FCRL5: variants seen among roughly 807,000 people sequenced by gnomAD.
FCRL5 encodes the protein Fc receptor like 5.
FCRL5 carries 79 observed loss-of-function variants against 92.1 expected under a neutral mutation model. The observed-to-expected ratio is 0.86, with a 90% confidence interval of 0.72 to 1.03. The LOEUF is 1.03. Among genes scored for constraint, FCRL5 ranks in the 50% least tolerant of loss-of-function variants. FCRL5 has a pLI of 0.00. For missense variants in FCRL5, 1,160 were observed against 1,181.1 expected, an observed-to-expected ratio of 0.98 and a Z score of 0.26; for synonymous variants, 466 against 469.3, an observed-to-expected ratio of 0.99 and a Z score of 0.09.
chr1:157,534,954 T>C, intron 7 of FCRL5, 62 bp from the exon 8 acceptor site: 1 of 1,474,144 alleles, frequency 6.8e-7, no homozygotes, highest in Non-Finnish European at 9.1e-7. Context: ...TTTCAACACT[T>C]GGCCAGTGCA....
intron 13 of FCRL5, among the ~76,000 whole-genome samples, chr1:157,519,292 G>C (rs1343377535): frequency 2.0e-5 from 3 of 152,136 alleles, no homozygotes; most frequent in African/African-American, 7.2e-5. Context: ...TTCTTCACAG[G>C]GACTACCTCC....
intron 10 of FCRL5, chr1:157,522,390 G>C (rs185397265): frequency 1.3e-5 from 2 of 152,298 alleles, no homozygotes; most frequent in East Asian, 3.9e-4. Flanking sequence ...GAGTTAGAGA[G>C]GACTGTGCTT....
In FCRL5 at chr1:157,543,076, G is replaced by C; in HGVS notation, c.906C>G (p.Thr302=). 6.2e-7 allele frequency: 1 copy of C among 1,614,214 alleles called. No individual in the cohort carries two copies. Among genetic ancestry groups the C allele is most frequent in the East Asian group, 2.2e-5 (1 of 44,888 alleles). Residue 302 remains threonine (T), a synonymous_variant, in exon 6 of 17, where the codon ACC becomes ACG. Coordinates refer to ENST00000361835, the MANE Select transcript of FCRL5 (RefSeq NM_031281.3). ...SPEKALNFEG[T]KVTLHCETQE... The stretch of plus-strand genomic sequence containing the variant: ...GGGTTTCACAGTGAAGTGTCACCTT[G>C]GTTCCCTCAAAATTCAGAGCCTTTT...
intron 8 of FCRL5, among the ~76,000 whole-genome samples, chr1:157,528,934 T>A (rs182164987): frequency 1.1e-3 from 168 of 152,206 alleles, no homozygotes; most frequent in African/African-American, 3.8e-3. Context: ...CCAAAGCAAA[T>A]GCAACAAAAA....
chr1:157,516,910 C>G (rs1249974489), intron 15 of FCRL5, among the ~76,000 whole-genome samples: 1 of 152,170 alleles, frequency 6.6e-6, no homozygotes, highest in East Asian at 1.9e-4. Context: ...GTAGTAACAG[C>G]GCATACCTCA....
intron 6 of FCRL5, among the ~76,000 whole-genome samples, chr1:157,541,626 A>AT (rs1651264741): frequency 6.6e-6 from 1 of 151,950 alleles, no homozygotes; most frequent in African/African-American, 2.4e-5. Flanking sequence ...CTTCCAAGAA[A>AT]TTTTTTCTCA....
intron 3 of FCRL5, chr1:157,546,125 A>G (rs575637633): frequency 2.9e-4 from 81 of 277,906 alleles, no homozygotes; most frequent in South Asian, 2.2e-3. Context: ...CCTGCCACTT[A>G]TTATTCCAAG....
intron 13 of FCRL5, among the ~76,000 whole-genome samples, chr1:157,519,327 T>A (rs538710293): frequency 6.6e-6 from 1 of 152,284 alleles, no homozygotes; most frequent in African/African-American, 2.4e-5. Context: ...CCTCTCTGGG[T>A]GGCCAAGTTG....
intron 9 of FCRL5, 139 bp downstream of exon 9, chr1:157,527,478 A>G: frequency 2.6e-6 from 2 of 773,676 alleles, no homozygotes; most frequent in Non-Finnish European, 3.9e-6. Flanking sequence ...AAACTTAGAG[A>G]TGGAGGCTGT....
chr1:157,531,586 T>C (rs12144055), intron 8 of FCRL5, among the ~76,000 whole-genome samples: 13,292 of 152,170 alleles, frequency 0.087, 1,559 homozygotes, highest in African/African-American at 0.27. Context: ...CCCCAGCAGA[T>C]GAATAGATAA....
chr1:157,544,824 G>C lies in FCRL5; in HGVS notation c.559+7C>G. On this transcript the variant is annotated splice_region_variant and intron_variant, in intron 4 of 16. Coordinates refer to ENST00000361835, the MANE Select transcript of FCRL5 (RefSeq NM_031281.3). ...CAACTCACTTCACAAAATAATGAAG[G>C]CTTTACCTTGGACTTGGATTTTGAC... The C allele has an allele frequency of 1.2e-6, 2 of 1,613,978 alleles. No homozygotes were observed. Among genetic ancestry groups the C allele is most frequent in the African/African-American group, 1.3e-5 (1 of 75,030 alleles).
intron 2 of FCRL5, 162 bp from the exon 3 acceptor site, chr1:157,547,359 C>A: frequency 1.1e-6 from 1 of 917,372 alleles, no homozygotes; most frequent in Non-Finnish European, 1.8e-6. Context: ...CAGTGGCCCT[C>A]ACCTCACCCA....
At chr1:157,534,522 GA>G in intron 8 of FCRL5, 91 bp downstream of exon 8, 1 of 1,459,798 alleles carries the variant, frequency 6.9e-7, no homozygotes, top group Non-Finnish European at 9.6e-7. Context: ...TTGATTAGGG[GA>G]GGAAACTGGA....
intron 10 of FCRL5, among the ~76,000 whole-genome samples, chr1:157,523,523 C>A (rs749593891): frequency 3.9e-5 from 6 of 152,212 alleles, no homozygotes; most frequent in African/African-American, 9.7e-5. Context: ...TCTCAACACC[C>A]CTTAGCATAC....
At chr1:157,530,341 TA>T (rs1650641032) in intron 8 of FCRL5, among the ~76,000 whole-genome samples, 1 of 152,246 alleles carries the variant, frequency 6.6e-6, no homozygotes, top group African/African-American at 2.4e-5. Context: ...TACAACTTGA[TA>T]ATTTTGGAAA....
intron 3 of FCRL5, among the ~76,000 whole-genome samples, chr1:157,546,031 G>A (rs959027214): frequency 6.6e-6 from 1 of 152,150 alleles, no homozygotes; most frequent in African/African-American, 2.4e-5. Flanking sequence ...TTAGGACAAG[G>A]AAGGAAATGT....
At chr1:157,542,784 T>C (rs1651328074) in intron 6 of FCRL5, 75 bp downstream of exon 6, 1 of 1,524,522 alleles carries the variant, frequency 6.6e-7, no homozygotes. Flanking sequence ...GGAAGGTATA[T>C]GCTGACTTCC....
chr1:157,537,313 G>A (rs895701653), intron 7 of FCRL5, among the ~76,000 whole-genome samples: 2 of 152,188 alleles, frequency 1.3e-5, no homozygotes, highest in Admixed American at 1.3e-4. Context: ...CCGCTTTGGG[G>A]ATGGCTGTCT....
chr1:157,520,537 C>A lies in FCRL5; in HGVS notation c.2526G>T (p.Ala842=). The A allele has an allele frequency of 6.3e-7, 1 of 1,583,724 alleles. No individual in the cohort carries two copies. Among genetic ancestry groups the A allele is most frequent in the East Asian group, 2.3e-5 (1 of 42,924 alleles). The change falls in exon 12 of 17, where the codon GCG becomes GCT. Residue 842 remains alanine, a synonymous_variant. Transcript: ENST00000361835. The part of the protein sequence containing the change: ...TVTLYITGLT[A]NRSGPFATGV... ...CTGTGGCAAAAGGGCCACTTCTGTT[C>A]GCGGTCAGCCCTGAGGGGGAGACCC...
Sources: allele counts gnomAD v4.1 joint callset (sites outside exome capture counted in the v4.1 genomes callset), GRCh38; gene constraint gnomAD v4.1.1; transcripts MANE v1.5; gene names NCBI Gene and HGNC (gene_info 2026-07-23, HGNC 2026-07-21).